Variants in INO80 observed in about 807,000 individuals in gnomAD.
INO80 encodes chromatin-remodeling ATPase INO80.
Under a neutral mutation model 203.4 loss-of-function variants are expected in INO80, and 20 were observed. The observed-to-expected ratio is 0.10, with a 90% CI of 0.07 to 0.14. The LOEUF (loss-of-function observed/expected upper bound fraction) is 0.14, where lower values mean the gene tolerates loss of function less well. INO80 is among the 10% of genes least tolerant of loss of function. INO80 has a pLI of 1.00. For missense variants in INO80, 1,419 were observed against 1,914.4 expected (o/e 0.74, Z 4.83); for synonymous variants, 726 against 685.2 (o/e 1.06, Z -0.93).
At chr15:41,080,470 T>G (rs1250441389) in intron 8 of INO80, among the ~76,000 whole-genome samples, 1 of 152,184 alleles carries the variant, frequency 6.6e-6, no homozygotes, top group Admixed American at 6.5e-5. Flanking sequence ...GACAGGAAGA[T>G]TCCATGATCT....
intron 27 of INO80, among the ~76,000 whole-genome samples, chr15:41,007,155 C>T (rs913533676): frequency 1.3e-5 from 2 of 149,756 alleles, no homozygotes; most frequent in Non-Finnish European, 3.0e-5. Flanking sequence ...GGTAGGCTTC[C>T]TGCACAGGCA....
At chr15:41,052,953 A>G (rs73401695) in intron 19 of INO80, among the ~76,000 whole-genome samples, 11,151 of 151,894 alleles carry the variant, frequency 0.073, 1,183 homozygotes, top group African/African-American at 0.24. Flanking sequence ...GGATCACTGG[A>G]GCCCAGGTGG....
chr15:40,988,249 A>G (rs949460490), intron 29 of INO80, among the ~76,000 whole-genome samples: 6 of 152,218 alleles, frequency 3.9e-5, no homozygotes, highest in African/African-American at 1.4e-4. Context: ...TAGTACATTA[A>G]TAACATTAAC....
At chr15:41,094,659 T>C (rs1034524665) in intron 4 of INO80, among the ~76,000 whole-genome samples, 7 of 152,180 alleles carry the variant, frequency 4.6e-5, no homozygotes, top group Non-Finnish European at 1.0e-4. Flanking sequence ...TTATGGAACT[T>C]ATGGAATTAA....
chr15:41,110,088 C>G (rs1379423345), intron 1 of INO80, among the ~76,000 whole-genome samples: 1 of 149,176 alleles, frequency 6.7e-6, no homozygotes, highest in Non-Finnish European at 1.5e-5. Context: ...AGCGAAACTC[C>G]GTCTCAAAAA....
intron 24 of INO80, among the ~76,000 whole-genome samples, chr15:41,037,329 G>A (rs568105172): frequency 6.6e-6 from 1 of 151,864 alleles, no homozygotes; most frequent in African/African-American, 2.4e-5. Flanking sequence ...CTAACATGGT[G>A]AAACCCCATC....
intron 28 of INO80, among the ~76,000 whole-genome samples, chr15:41,001,293 G>A (rs893346799): frequency 3.3e-5 from 5 of 152,148 alleles, no homozygotes; most frequent in African/African-American, 1.2e-4. Context: ...GGTCTGTAAA[G>A]AGGCCTATAA....
Position 41,055,343 on chromosome 15 carries a change from T to C in INO80, c.2092A>G (p.Ile698Val). Residue 698 changes from isoleucine to valine, a missense_variant, in exon 18 of 36, where the codon ATT becomes GTT. This residue lies in a region of INO80 where 192 missense variants were observed against 406.7 expected (regional missense o/e 0.47). Transcript: ENST00000648947. ...TGTGAATCAAATAATGTTGGCATAA[T>C]GAAATGCAGCAGAGCCCAAAGCTGT... ...MAELWALLHF[I>V]MPTLFDSHEE... 6.2e-7 allele frequency: 1 copy of C among 1,611,632 alleles called. No individual in the cohort carries two copies. Among genetic ancestry groups the C allele is most frequent in the Non-Finnish European group, 8.5e-7 (1 of 1,178,810 alleles).
chr15:41,050,871 C>A (rs577170787), intron 19 of INO80, among the ~76,000 whole-genome samples: 2 of 152,168 alleles, frequency 1.3e-5, no homozygotes, highest in South Asian at 2.1e-4. Context: ...CAGTGGCTCA[C>A]GCCTGTAATC....
chr15:41,033,681 T>C (rs967589539), intron 24 of INO80, among the ~76,000 whole-genome samples: 4 of 152,124 alleles, frequency 2.6e-5, no homozygotes, highest in East Asian at 1.9e-4. Flanking sequence ...CAGGGAGCCA[T>C]GCTAGTTTTT....
intron 24 of INO80, among the ~76,000 whole-genome samples, chr15:41,030,026 C>T (rs999293282): frequency 2.0e-5 from 3 of 152,328 alleles, no homozygotes; most frequent in African/African-American, 7.2e-5. Flanking sequence ...GACCTGAAGA[C>T]TTCTGAATTC....
chr15:41,007,937 G>T (rs1396468110), intron 27 of INO80, among the ~76,000 whole-genome samples: 1 of 152,170 alleles, frequency 6.6e-6, no homozygotes, highest in Non-Finnish European at 1.5e-5. Flanking sequence ...ACTGTGGAAG[G>T]TCGAGGTGGG....
chr15:41,011,538 G>C (rs1330213007), intron 27 of INO80: 5 of 151,210 alleles, frequency 3.3e-5, no homozygotes, highest in African/African-American at 1.2e-4. Context: ...CAATTCTTAA[G>C]ACCTAATAAG....
At chr15:40,987,746 C>T in intron 30 of INO80, 70 bp downstream of exon 30, 1 of 1,372,974 alleles carries the variant, frequency 7.3e-7, no homozygotes, top group East Asian at 2.3e-5. Flanking sequence ...AAAATAGTCT[C>T]AATGCAGTCA....
At chr15:41,038,111 T>TTCTCAATTCTTCGTC (rs1374312614) in intron 24 of INO80, among the ~76,000 whole-genome samples, 1 of 149,342 alleles carries the variant, frequency 6.7e-6, no homozygotes, top group Non-Finnish European at 1.5e-5. Flanking sequence ...GTCTCCCGTT[T>TTCTCAATTCTTCGTC]TCAAGTGATT....
intron 27 of INO80, among the ~76,000 whole-genome samples, chr15:41,013,957 T>C (rs559449020): frequency 6.6e-6 from 1 of 152,300 alleles, no homozygotes; most frequent in South Asian, 2.1e-4. Flanking sequence ...ACTAGGTCCA[T>C]AACCCAAAAA....
intron 25 of INO80, 84 bp downstream of exon 25, chr15:41,027,512 T>A: frequency 8.5e-7 from 1 of 1,172,938 alleles, no homozygotes. Flanking sequence ...TTAAAACAAT[T>A]CTGTTTAAGA....
chr15:41,114,545 C>A (rs1343673509), intron 1 of INO80, among the ~76,000 whole-genome samples: 1 of 151,842 alleles, frequency 6.6e-6, no homozygotes, highest in Non-Finnish European at 1.5e-5. Context: ...CCCGTTTCTA[C>A]TAAAAATACA....
chr15:40,987,057 G>A (rs201017470), intron 31 of INO80, 34 bp downstream of exon 31: 216 of 1,223,312 alleles, frequency 1.8e-4, no homozygotes, highest in Middle Eastern at 1.1e-3. Context: ...TCTCAGATAC[G>A]TGAGGGGAGT....
Sources: gnomAD v4.1 joint callset for allele counts (sites outside exome capture counted in the v4.1 genomes callset) on GRCh38, gnomAD v4.1.1 for gene constraint, gnomAD v4.1.1 regional missense constraint, MANE v1.5 for transcripts, NCBI Gene and HGNC (gene_info 2026-07-23, HGNC 2026-07-21) for gene names.